GPHN: variants seen among roughly 807,000 people sequenced by gnomAD.
The protein encoded by GPHN is gephyrin.
A neutral mutation model predicts 95.5 loss-of-function variants in GPHN; 17 were observed. That is an observed-to-expected ratio of 0.18 (90% CI 0.12 to 0.27). The LOEUF (loss-of-function observed/expected upper bound fraction) is 0.27, where lower values mean the gene tolerates loss of function less well. Ranked by LOEUF, GPHN falls within the 10% of genes least tolerant of loss-of-function variation. GPHN has a pLI of 1.00. For synonymous variants in GPHN, 320 were observed against 322.5 expected (o/e 0.99, Z 0.08); for missense variants, 660 against 978.1 (o/e 0.67, Z 4.34).
chr14:66,695,220 G>A (rs2068037342), intron 2 of GPHN, among the ~76,000 whole-genome samples: 1 of 151,848 alleles, frequency 6.6e-6, no homozygotes, highest in South Asian at 2.1e-4. Flanking sequence ...GTGGGCCAAA[G>A]ACCTTAACAA....
intron 11 of GPHN, among the ~76,000 whole-genome samples, chr14:67,066,944 G>T (rs1354162869): frequency 6.6e-6 from 1 of 152,206 alleles, no homozygotes; most frequent in Non-Finnish European, 1.5e-5. Flanking sequence ...ACTTGTCAAA[G>T]ACATTCTCCA....
chr14:66,998,139 C>T (rs1226303864), intron 9 of GPHN, among the ~76,000 whole-genome samples: 1 of 152,168 alleles, frequency 6.6e-6, no homozygotes, highest in Non-Finnish European at 1.5e-5. Flanking sequence ...GAACTGGCTT[C>T]TTGGGGGCAT....
chr14:67,225,135 A>G, the GPHN span: 1 of 1,583,186 alleles, frequency 6.3e-7, no homozygotes, highest in Non-Finnish European at 8.6e-7. Context: ...CCCTCATATC[A>G]AATCTCCTTC....
At chr14:66,823,976 G>A (rs1256592426) in intron 3 of GPHN, among the ~76,000 whole-genome samples, 1 of 152,126 alleles carries the variant, frequency 6.6e-6, no homozygotes, top group Non-Finnish European at 1.5e-5. Flanking sequence ...AGAAAAGTCA[G>A]CAGATGGAGA....
chr14:67,526,406 T>C, the GPHN span, among the ~76,000 whole-genome samples: 1 of 152,262 alleles, frequency 6.6e-6, no homozygotes, highest in African/African-American at 2.4e-5. Context: ...TGACGGTCTT[T>C]GCATGCTGCT....
intron 12 of GPHN, among the ~76,000 whole-genome samples, chr14:67,095,966 C>CAAAAAAAAAAAAAAAAAAAAGAAAAAGGA (rs2077369282): frequency 1.5e-5 from 1 of 67,084 alleles, no homozygotes; most frequent in Non-Finnish European, 3.6e-5. Flanking sequence ...AAGAAAAAGG[C>CAAAAAAAAAAAAAAAAAAAAGAAAAAGGA]AAAAAAAAAA....
At chr14:66,696,914 C>G (rs969048059) in intron 2 of GPHN, among the ~76,000 whole-genome samples, 1 of 152,080 alleles carries the variant, frequency 6.6e-6, no homozygotes, top group African/African-American at 2.4e-5. Context: ...AAAGAGTAGT[C>G]CTCATTAGAA....
rs140317000 is a variant in GPHN, at chr14:66,887,583, A to G, written c.389+7550A>G. On this transcript the variant is annotated intron_variant, in intron 5 of 22. Coordinates refer to ENST00000478722, the MANE Select transcript of GPHN (RefSeq NM_020806.5). Reference sequence around the variant, plus strand: ...AGCGAGACTCCATCTCAAAAAATAAAAAGACCAAGACCTAATGATAGGACT... The same window carrying G: ...AGCGAGACTCCATCTCAAAAAATAAGAAGACCAAGACCTAATGATAGGACT... 6.5e-3 allele frequency among the ~76,000 whole-genome samples: 993 copies of G among 152,218 alleles called. 7 individuals carry two copies. Among genetic ancestry groups the G allele is most frequent in the Non-Finnish European group, 8.1e-3 (548 of 68,016 alleles).
intron 12 of GPHN, 29 bp from the exon 13 acceptor site, chr14:67,100,827 T>C (rs1373987092): frequency 2.0e-6 from 3 of 1,519,518 alleles, no homozygotes; most frequent in East Asian, 2.2e-5. Flanking sequence ...CATACTGATG[T>C]TTGTTCTTGG....
At chr14:67,341,813 G>C in the GPHN span, among the ~76,000 whole-genome samples, 4 of 152,198 alleles carry the variant, frequency 2.6e-5, no homozygotes, top group African/African-American at 9.7e-5. Flanking sequence ...AGTAGACATG[G>C]GAGACTTTTC....
At chr14:66,621,517 T>A (rs528087801) in intron 1 of GPHN, among the ~76,000 whole-genome samples, 1 of 150,224 alleles carries the variant, frequency 6.7e-6, no homozygotes, top group African/African-American at 2.5e-5. Context: ...CTCCACCCCC[T>A]GGGTTCACAC....
At chr14:67,468,494 A>C in the GPHN span, among the ~76,000 whole-genome samples, 1 of 152,172 alleles carries the variant, frequency 6.6e-6, no homozygotes, top group Admixed American at 6.5e-5. Context: ...GAAGACGTGG[A>C]TGAAGTCCTT....
the GPHN span, among the ~76,000 whole-genome samples, chr14:67,506,493 C>A: frequency 2.0e-5 from 3 of 152,118 alleles, no homozygotes; most frequent in Non-Finnish European, 4.4e-5. Context: ...CAAATGAAAT[C>A]ATCTCTCATC....
the GPHN span, among the ~76,000 whole-genome samples, chr14:67,418,952 A>G: frequency 1.4e-4 from 22 of 152,108 alleles, no homozygotes; most frequent in Non-Finnish European, 2.1e-4. Flanking sequence ...GCCCAGACCC[A>G]TTGCTTCCCC....
At chr14:67,290,703 T>A in the GPHN span, among the ~76,000 whole-genome samples, 1 of 151,790 alleles carries the variant, frequency 6.6e-6, no homozygotes, top group African/African-American at 2.4e-5. Flanking sequence ...TAGACATTTT[T>A]TATATTTTTT....
chr14:66,538,587 G>A (rs2059226116), intron 1 of GPHN, among the ~76,000 whole-genome samples: 1 of 151,382 alleles, frequency 6.6e-6, no homozygotes, highest in Admixed American at 6.6e-5. Flanking sequence ...TCAGCTCTAG[G>A]AAGTTTTATT....
At chr14:67,039,775 A>G (rs927505917) in intron 10 of GPHN, among the ~76,000 whole-genome samples, 1 of 152,210 alleles carries the variant, frequency 6.6e-6, no homozygotes, top group Non-Finnish European at 1.5e-5. Context: ...CCTGGGCAAC[A>G]GAGCAAGACC....
At chr14:67,479,696 T>C in the GPHN span, among the ~76,000 whole-genome samples, 1 of 152,008 alleles carries the variant, frequency 6.6e-6, no homozygotes, top group Non-Finnish European at 1.5e-5. Context: ...CTAGCCTAGG[T>C]GACAGAGTGA....
At chr14:67,659,768 A>G in the GPHN span, 1 of 1,613,680 alleles carries the variant, frequency 6.2e-7, no homozygotes. Context: ...GCCATATTTC[A>G]TGTCTCCTCG....
Sources: allele counts gnomAD v4.1 joint callset (sites outside exome capture counted in the v4.1 genomes callset), GRCh38; gene constraint gnomAD v4.1.1; transcripts MANE v1.5; gene names NCBI Gene and HGNC (gene_info 2026-07-23, HGNC 2026-07-21).